The following TMEM150C variants were observed in gnomAD, a reference collection of about 807,000 sequenced individuals.
The protein encoded by TMEM150C is transmembrane protein 150C.
A neutral mutation model predicts 29.9 loss-of-function variants in TMEM150C; 10 were observed. The observed-to-expected ratio is 0.33, with a 90% CI of 0.21 to 0.57. The LOEUF (loss-of-function observed/expected upper bound fraction) is 0.57, where lower values mean the gene tolerates loss of function less well. Ranked by LOEUF, TMEM150C falls within the 20% of genes least tolerant of loss-of-function variation. TMEM150C has a pLI of 0.88. For missense variants in TMEM150C, 251 were observed against 303.6 expected (o/e 0.83, Z 1.29); for synonymous variants, 101 against 112.5 (o/e 0.90, Z 0.64).
chr4:82,507,727 C>CTTTTTTTTTTTTTTTTTTT (rs869112887), intron 1 of TMEM150C, among the ~76,000 whole-genome samples: 8 of 20,584 alleles, frequency 3.9e-4, no homozygotes, highest in Non-Finnish European at 3.7e-4. Context: ...CTCTCTCTCT[C>CTTTTTTTTTTTTTTTTTTT]TTTTTTTTTT....
At chr4:82,516,391 C>G (rs1724298546) in intron 1 of TMEM150C, among the ~76,000 whole-genome samples, 1 of 152,070 alleles carries the variant, frequency 6.6e-6, no homozygotes. Context: ...GAGCACATAG[C>G]CTGGATCCAG....
rs541709968 is a variant in TMEM150C at position 82,490,010 on chromosome 4, T to G, written c.541+51A>C. The G allele has an allele frequency of 2.6e-6, 4 of 1,564,780 alleles. No individual in the cohort carries two copies. The South Asian group carries it at 4.6e-5, about 18-fold the overall frequency. On this transcript the variant is annotated intron_variant, in intron 7 of 7. Coordinates refer to ENST00000449862, the MANE Select transcript of TMEM150C (RefSeq NM_001080506.3). ...ACTGGGTTCTTCTACAGAGACAACTTACTTGTTTTCATCTTACTGGCAAAA... is the reference window on the plus strand; with the variant it reads ...ACTGGGTTCTTCTACAGAGACAACTGACTTGTTTTCATCTTACTGGCAAAA...
intron 5 of TMEM150C, among the ~76,000 whole-genome samples, chr4:82,500,634 G>C (rs1341912765): frequency 6.6e-6 from 1 of 152,100 alleles, no homozygotes; most frequent in Non-Finnish European, 1.5e-5. Context: ...TCTGGAAGAG[G>C]GGATCTTGCT....
chr4:82,546,290 C>T (rs182192482), intron 1 of TMEM150C, among the ~76,000 whole-genome samples: 1 of 152,298 alleles, frequency 6.6e-6, no homozygotes, highest in Admixed American at 6.5e-5. Context: ...CAATCCTAAG[C>T]ATAAAGAACA....
Position 82,483,465 on chromosome 4 carries a change from A to C in TMEM150C, c.*2046T>G, listed in dbSNP as rs1454361858. 1 of 152,178 alleles carries C rather than the reference A, an allele frequency of 6.6e-6. No homozygotes were observed. Among genetic ancestry groups the C allele is most frequent in the Non-Finnish European group, 1.5e-5 (1 of 68,020 alleles). 9.4% of individuals were successfully genotyped at this position (152,178 alleles called of 1,614,324 possible). Reference sequence around the variant, plus strand: ...AGTAAGACGCCTTTTTGACAGGAGAATCTTGTTCTCAGCTTGTTCTTTTCC... The same window carrying C: ...AGTAAGACGCCTTTTTGACAGGAGACTCTTGTTCTCAGCTTGTTCTTTTCC... On this transcript the variant is annotated 3_prime_UTR_variant, in exon 8 of 8. Transcript: ENST00000449862.
intron 6 of TMEM150C, chr4:82,495,324 C>T (rs1723510722): frequency 4.8e-6 from 1 of 206,262 alleles, no homozygotes; most frequent in Non-Finnish European, 9.7e-6. Context: ...CCCCGTGGTC[C>T]CAGCTACTCA....
rs1024663664 is a variant in TMEM150C, at chr4:82,491,120, G to A, written c.364-882C>T. 3 of 702,776 alleles carry A rather than the reference G, an allele frequency of 4.3e-6. No homozygotes were observed. In the African/African-American group the frequency reaches 5.2e-5, roughly 12 times the overall value. The allele number at this position is 702,776 out of a possible 1,614,324, so 43.5% of individuals were successfully genotyped here. A position where few individuals can be genotyped will look rare whatever the true frequency, so the allele number is the denominator to read the frequency against. ...TTTTACGACACAGGGCAGGCAGGAAGACAGCTAGCTCGATGGGATCCACAT... is the reference window on the plus strand; with the variant it reads ...TTTTACGACACAGGGCAGGCAGGAAAACAGCTAGCTCGATGGGATCCACAT... On this transcript the variant is annotated intron_variant, in intron 6 of 7. Transcript: ENST00000449862.
intron 1 of TMEM150C, among the ~76,000 whole-genome samples, chr4:82,545,723 A>C (rs1725358809): frequency 2.0e-5 from 3 of 152,226 alleles, no homozygotes; most frequent in Admixed American, 2.0e-4. Flanking sequence ...TAAGGCCAGG[A>C]GTTTGAGAAC....
At chr4:82,488,911 C>T (rs1038913884) in intron 7 of TMEM150C, among the ~76,000 whole-genome samples, 3 of 152,000 alleles carry the variant, frequency 2.0e-5, no homozygotes, top group Non-Finnish European at 4.4e-5. Flanking sequence ...AGCCACGGCA[C>T]CAGGCCTTTA....
intron 5 of TMEM150C, among the ~76,000 whole-genome samples, chr4:82,498,630 G>T (rs1025231120): frequency 6.6e-6 from 1 of 152,080 alleles, no homozygotes; most frequent in African/African-American, 2.4e-5. Context: ...ATTACTCTGA[G>T]AACTCTCTGC....
intron 6 of TMEM150C, chr4:82,491,180 T>C (rs976777402): frequency 1.4e-6 from 1 of 697,774 alleles, no homozygotes. Context: ...CCTTTTTGTT[T>C]TCCACCAAGG....
At chr4:82,558,040 G>A (rs1243778198) in intron 1 of TMEM150C, among the ~76,000 whole-genome samples, 1 of 151,980 alleles carries the variant, frequency 6.6e-6, no homozygotes, top group Non-Finnish European at 1.5e-5. Context: ...CTCACAAGTG[G>A]TTTTTCATAG....
At chr4:82,531,284 TA>T (rs1286618778) in intron 1 of TMEM150C, among the ~76,000 whole-genome samples, 2 of 152,194 alleles carry the variant, frequency 1.3e-5, no homozygotes, top group African/African-American at 4.8e-5. Flanking sequence ...GATAGAAATA[TA>T]ACCTGTAGTT....
intron 6 of TMEM150C, chr4:82,491,419 G>A (rs1018191135): frequency 2.6e-5 from 17 of 666,544 alleles, no homozygotes; most frequent in Admixed American, 1.3e-4. Context: ...AATTGCAGCC[G>A]CTTATAGAGG....
At chr4:82,515,762 C>T (rs1021117178) in intron 1 of TMEM150C, among the ~76,000 whole-genome samples, 17 of 151,478 alleles carry the variant, frequency 1.1e-4, no homozygotes, top group Non-Finnish European at 1.5e-5. Flanking sequence ...AGAATCTCTT[C>T]TAGTCCTTCA....
chr4:82,494,803 T>TTTTTA, intron 6 of TMEM150C: 1 of 302,812 alleles, frequency 3.3e-6, no homozygotes, highest in Non-Finnish European at 6.5e-6. Flanking sequence ...TTTTTTTTTT[T>TTTTTA]GTGAGTCTGA....
Position 82,502,934 on chromosome 4 carries a change from A to T in TMEM150C, c.135-7T>A, listed in dbSNP as rs959980205. The T allele has an allele frequency of 1.4e-5, 22 of 1,586,098 alleles. No homozygotes were observed. The African/African-American group carries it at 2.3e-4, about 17-fold the overall frequency. On this transcript the variant is annotated splice_region_variant and splice_polypyrimidine_tract_variant and intron_variant, in intron 3 of 7. Transcript: ENST00000449862. ...ATGCTTCACACCAGGTTTCCTGGAT[A>T]ATAAAAAAAAAAAACACAGAAGCTC...
chr4:82,488,103 CCT>C (rs1473053971), intron 7 of TMEM150C, among the ~76,000 whole-genome samples: 12 of 152,290 alleles, frequency 7.9e-5, no homozygotes, highest in South Asian at 2.1e-4. Flanking sequence ...CATCCTTTCC[CCT>C]GAGTCCCCAA....
At chr4:82,553,549 A>G (rs911625915) in intron 1 of TMEM150C, among the ~76,000 whole-genome samples, 7 of 152,218 alleles carry the variant, frequency 4.6e-5, no homozygotes, top group African/African-American at 1.7e-4. Flanking sequence ...GAGACACTGA[A>G]CAGGGGAGCA....
Sources: gnomAD v4.1 joint callset for allele counts (sites outside exome capture counted in the v4.1 genomes callset) on GRCh38, gnomAD v4.1.1 for gene constraint, MANE v1.5 for transcripts, NCBI Gene and HGNC (gene_info 2026-07-23, HGNC 2026-07-21) for gene names.